The following ASAP1 variants were observed in gnomAD, a reference collection of about 807,000 sequenced individuals.
The protein encoded by ASAP1 is arf-GAP with SH3 domain, ANK repeat and PH domain-containing protein 1.
A neutral mutation model predicts 145.2 loss-of-function variants in ASAP1; 43 were observed. The observed-to-expected ratio is 0.30, with a 90% CI of 0.23 to 0.38. The LOEUF is 0.38. Ranked by LOEUF, ASAP1 falls within the 10% of genes least tolerant of loss-of-function variation. ASAP1 has a pLI of 1.00. For missense variants in ASAP1, 1,018 were observed against 1,355.3 expected (o/e 0.75, Z 3.91); for synonymous variants, 546 against 515.5 (o/e 1.06, Z -0.80).
At chr8:130,355,149 GA>G (rs1252369230) in intron 3 of ASAP1, among the ~76,000 whole-genome samples, 1 of 152,184 alleles carries the variant, frequency 6.6e-6, no homozygotes, top group Non-Finnish European at 1.5e-5. Flanking sequence ...AAAGTGCTGG[GA>G]TTACAGGTAT....
At chr8:130,206,073 TAGA>T (rs1056935529) in intron 5 of ASAP1, among the ~76,000 whole-genome samples, 1 of 152,114 alleles carries the variant, frequency 6.6e-6, no homozygotes, top group East Asian at 1.9e-4. Context: ...ATTTTTTAAA[TAGA>T]AGGAGTTAAA....
At chr8:130,221,499 T>TA (rs1446558185) in intron 4 of ASAP1, among the ~76,000 whole-genome samples, 1 of 152,216 alleles carries the variant, frequency 6.6e-6, no homozygotes, top group Non-Finnish European at 1.5e-5. Flanking sequence ...CCCTTATATT[T>TA]ATCTTCCCTA....
At chr8:130,237,031 T>G in intron 3 of ASAP1, 37 bp from the exon 4 acceptor site, 1 of 1,451,304 alleles carries the variant, frequency 6.9e-7, no homozygotes, top group Non-Finnish European at 9.4e-7. Flanking sequence ...TATTAGAAGA[T>G]TTGGTAAATT....
At chr8:130,163,107 C>G (rs2136041666) in intron 11 of ASAP1, 1 of 166,768 alleles carries the variant, frequency 6.0e-6, no homozygotes, top group East Asian at 1.5e-4. Flanking sequence ...TTTCCTCTAT[C>G]AGAGAATGGC....
chr8:130,352,268 T>C (rs113256437), intron 3 of ASAP1, among the ~76,000 whole-genome samples: 11 of 151,362 alleles, frequency 7.3e-5, no homozygotes, highest in Non-Finnish European at 1.2e-4. Flanking sequence ...AATGGGCTCC[T>C]TAAGTTTAGC....
intron 3 of ASAP1, among the ~76,000 whole-genome samples, chr8:130,330,537 A>G (rs2137783218): frequency 6.6e-6 from 1 of 152,358 alleles, no homozygotes. Flanking sequence ...CCCTTCCCTC[A>G]GTCATCTACC....
chr8:130,405,331 A>G (rs1381857235), intron 1 of ASAP1, among the ~76,000 whole-genome samples: 1 of 152,186 alleles, frequency 6.6e-6, no homozygotes, highest in African/African-American at 2.4e-5. Flanking sequence ...AGTGTGTGGC[A>G]GAACTAAGAT....
At position 130,076,352 on chromosome 8, in the gene ASAP1, C is replaced by T; in HGVS notation, c.2697G>A (p.Gln899=). 6.2e-7 allele frequency: 1 copy of T among 1,610,004 alleles called. No homozygotes were observed. The highest frequency in any genetic ancestry group is 8.5e-7 in the Non-Finnish European group (1 of 1,177,686). The change falls in exon 27 of 30, where the codon CAG becomes CAA. Residue 899 remains glutamine, a synonymous_variant. Transcript: ENST00000518721. Reference sequence around the variant, plus strand: ...TGTAAAAATGATAGATCTTACCTTTCTGAGGTAGTTTAGGAAGAACTCTTG... The same window carrying T: ...TGTAAAAATGATAGATCTTACCTTTTTGAGGTAGTTTAGGAAGAACTCTTG... The part of the protein sequence containing the change: ...LGPRVLPKLP[Q]KVALRKTDHL...
At position 130,358,528 on chromosome 8, in the gene ASAP1, G is replaced by A. The variant is rs1186046014; in HGVS notation, c.60-385C>T. ...CGGCCGCTGGGGCGTGCGCGGGCTG[G>A]GCGGCTGGGGCGCCCGGCGCTGCCT... is the stretch of plus-strand genomic sequence containing the variant. On this transcript the variant is annotated intron_variant, in intron 2 of 29. Transcript: ENST00000518721. This position sits in a 1 kb window ranked among gnomAD's most constrained non-coding sequence, Gnocchi z 4.1. 6.8e-6 allele frequency among the ~76,000 whole-genome samples: 1 copy of A among 147,788 alleles called. No homozygotes were observed. The highest frequency in any genetic ancestry group is 2.4e-5 in the African/African-American group (1 of 40,940).
intron 23 of ASAP1, 43 bp downstream of exon 23, chr8:130,115,585 T>G (rs2305513): frequency 2.1e-6 from 3 of 1,453,094 alleles, no homozygotes; most frequent in Non-Finnish European, 1.9e-6. Context: ...ACTAGAAAAG[T>G]TGGGGTAGTT....
At position 130,340,627 on chromosome 8, in the gene ASAP1, C is replaced by G. The variant is rs147638695; in HGVS notation, c.186+17390G>C. ...CATCTCCTTTTTAAAAAGGCTATAA[C>G]GTCTAAGAAAGCAGTGTGACATGGA... On this transcript the variant is annotated intron_variant, in intron 3 of 29. Transcript: ENST00000518721. Among the ~76,000 whole-genome samples, 118 of 152,250 alleles carry G rather than the reference C, an allele frequency of 7.8e-4. 1 individual carries two copies. Among genetic ancestry groups the G allele is most frequent in the South Asian group, 5.2e-3 (25 of 4,820 alleles).
At chr8:130,064,680 T>C (rs1447830200) in intron 27 of ASAP1, among the ~76,000 whole-genome samples, 1 of 152,128 alleles carries the variant, frequency 6.6e-6, no homozygotes, top group African/African-American at 2.4e-5. Flanking sequence ...TCTGACACCA[T>C]CTACCTGGAG....
intron 2 of ASAP1, among the ~76,000 whole-genome samples, chr8:130,367,042 C>G (rs1462096874): frequency 6.6e-6 from 1 of 151,878 alleles, no homozygotes; most frequent in East Asian, 1.9e-4. Context: ...CAGGTGTGCG[C>G]CACCACACCC....
At chr8:130,283,104 T>C (rs1362437336) in intron 3 of ASAP1, among the ~76,000 whole-genome samples, 2 of 152,140 alleles carry the variant, frequency 1.3e-5, no homozygotes, top group African/African-American at 2.4e-5. Context: ...AAAACCTTCA[T>C]GGGATGGATT....
At chr8:130,413,446 A>G (rs1220702857) in intron 1 of ASAP1, among the ~76,000 whole-genome samples, 1 of 152,238 alleles carries the variant, frequency 6.6e-6, no homozygotes, top group African/African-American at 2.4e-5. Flanking sequence ...TCTCCTATCA[A>G]TAAAATATAA....
intron 2 of ASAP1, among the ~76,000 whole-genome samples, chr8:130,395,238 A>G (rs1239521146): frequency 1.3e-5 from 2 of 152,180 alleles, no homozygotes; most frequent in Non-Finnish European, 2.9e-5. Context: ...AGGCAACAAC[A>G]AGGCCCACCA....
At chr8:130,313,161 G>A (rs924374296) in intron 3 of ASAP1, among the ~76,000 whole-genome samples, 2 of 152,148 alleles carry the variant, frequency 1.3e-5, no homozygotes, top group Non-Finnish European at 2.9e-5. Flanking sequence ...GAAGGAGGTG[G>A]TGGATGGGCT....
intron 13 of ASAP1, among the ~76,000 whole-genome samples, chr8:130,149,458 C>T (rs1048559375): frequency 3.9e-5 from 6 of 152,038 alleles, no homozygotes; most frequent in African/African-American, 1.4e-4. Context: ...AAATGTATTT[C>T]TCTTTAGAAC....
At chr8:130,275,887 C>A (rs143162146) in intron 3 of ASAP1, among the ~76,000 whole-genome samples, 4 of 152,218 alleles carry the variant, frequency 2.6e-5, no homozygotes, top group East Asian at 3.9e-4. Flanking sequence ...TGGAGGAGAA[C>A]GTAAACCGTT....
Sources: gnomAD v4.1 joint callset for allele counts (sites outside exome capture counted in the v4.1 genomes callset) on GRCh38, gnomAD v4.1.1 for gene constraint, Gnocchi (gnomAD v3.1) non-coding constraint, MANE v1.5 for transcripts, NCBI Gene and HGNC (gene_info 2026-07-23, HGNC 2026-07-21) for gene names.